UGT2B7: variants seen among roughly 807,000 people sequenced by gnomAD.
The protein encoded by UGT2B7 is UDP-glucuronosyltransferase 2B7.
A neutral mutation model predicts 51.9 loss-of-function variants in UGT2B7; 51 were observed. That is an observed-to-expected ratio of 0.98 (90% CI 0.78 to 1.24). The LOEUF (loss-of-function observed/expected upper bound fraction) is 1.24, where lower values mean the gene tolerates loss of function less well. Ranked by LOEUF, UGT2B7 falls within the 50% of genes most tolerant of loss-of-function variation. The pLI is 0.00. For missense variants in UGT2B7, 727 were observed against 628.4 expected, an observed-to-expected ratio of 1.16 and a Z score of -1.68; for synonymous variants, 225 against 211.6, an observed-to-expected ratio of 1.06 and a Z score of -0.55.
intron 5 of UGT2B7, among the ~76,000 whole-genome samples, chr4:69,110,903 G>A (rs947089577): frequency 6.6e-6 from 1 of 152,066 alleles, no homozygotes; most frequent in Non-Finnish European, 1.5e-5. Context: ...ATATTTAAAT[G>A]TTTATTTTAT....
intron 1 of UGT2B7, among the ~76,000 whole-genome samples, chr4:69,064,124 GA>G (rs1718436025): frequency 6.7e-6 from 1 of 149,232 alleles, no homozygotes; most frequent in Non-Finnish European, 1.5e-5. Flanking sequence ...AAGAAAGAAA[GA>G]AAGAAAGAAA....
intron 1 of UGT2B7, among the ~76,000 whole-genome samples, chr4:69,056,953 G>C (rs4235114): frequency 0.46 from 70,342 of 152,050 alleles, 17,818 homozygotes; most frequent in African/African-American, 0.67. Context: ...TCAAAGACAG[G>C]CAGCCCAGCA....
At chr4:69,054,440 A>G (rs2109857743) in intron 1 of UGT2B7, among the ~76,000 whole-genome samples, 1 of 152,322 alleles carries the variant, frequency 6.6e-6, no homozygotes, top group East Asian at 1.9e-4. Flanking sequence ...TTTAATAAAT[A>G]CTAAAGGACA....
intron 1 of UGT2B7, among the ~76,000 whole-genome samples, chr4:69,082,176 T>G (rs919350293): frequency 5.9e-5 from 9 of 152,036 alleles, no homozygotes; most frequent in Admixed American, 6.6e-5. Context: ...AGTTGTTTCC[T>G]AGTCTCTCTC....
rs1187013397 is a variant in UGT2B7 at position 69,101,522 on chromosome 4, A to C, written c.871-1285A>C. ...GGGCATCAAGCTAGTGAGATGAAAC[A>C]CTGAACACCAGTTACATTAAATATG... On this transcript the variant is annotated intron_variant, in intron 2 of 5. Transcript: ENST00000305231. 3.3e-5 allele frequency among the ~76,000 whole-genome samples: 5 copies of C among 152,272 alleles called. No homozygotes were observed. The East Asian group carries it at 9.6e-4, about 29-fold the overall frequency.
intron 2 of UGT2B7, among the ~76,000 whole-genome samples, chr4:69,099,258 A>C (rs1719348421): frequency 3.5e-5 from 1 of 28,606 alleles, no homozygotes; most frequent in Non-Finnish European, 5.4e-5. Context: ...AGAGACAGAC[A>C]AAAAAAAAAA....
intron 1 of UGT2B7, among the ~76,000 whole-genome samples, chr4:69,072,499 T>A (rs970911848): frequency 6.6e-6 from 1 of 152,220 alleles, no homozygotes; most frequent in Non-Finnish European, 1.5e-5. Context: ...TTTTCTGAAT[T>A]AATATCTATG....
chr4:69,059,860 A>T (rs1485089412), intron 1 of UGT2B7, among the ~76,000 whole-genome samples: 2 of 152,214 alleles, frequency 1.3e-5, no homozygotes, highest in African/African-American at 4.8e-5. Flanking sequence ...GTGGTGCCAA[A>T]CCCATATACT....
chr4:69,064,349 C>A (rs112148447), intron 1 of UGT2B7, among the ~76,000 whole-genome samples: 3 of 152,126 alleles, frequency 2.0e-5, no homozygotes, highest in African/African-American at 7.2e-5. Flanking sequence ...TATGGTATGA[C>A]TTTATAGATT....
Position 69,108,172 on chromosome 4 carries a change from G to A in UGT2B7, c.1160G>A (p.Gly387Glu), listed in dbSNP as rs753133394. The A allele has an allele frequency of 3.1e-6, 5 of 1,613,520 alleles. No homozygotes were observed. Among genetic ancestry groups the A allele is most frequent in the Middle Eastern group, 1.6e-4 (1 of 6,078 alleles). Residue 387 changes from glycine (G) to glutamate (E), a missense_variant, in exon 5 of 6, where the codon GGG becomes GAG. Transcript: ENST00000305231. ...GGCATCTACGAGGCAATCTACCATG[G>A]GATCCCTATGGTGGGGATTCCATTG... Reference protein sequence around the residue: ...ANGIYEAIYHGIPMVGIPLFA... With the variant: ...ANGIYEAIYHEIPMVGIPLFA...
At chr4:69,094,721 A>G (rs1719174086), upstream of UGT2B7, among the ~76,000 whole-genome samples, 1 of 152,206 alleles carries the variant, frequency 6.6e-6, no homozygotes, top group African/African-American at 2.4e-5. Context: ...GGCATTTGCC[A>G]CATACATTAA....
chr4:69,098,836 G>A (rs7441774), intron 2 of UGT2B7, 148 bp downstream of exon 2: 668,441 of 1,336,300 alleles, frequency 0.5, 173,141 homozygotes, highest in African/African-American at 0.71. Flanking sequence ...AAACTCATGT[G>A]CACGTTAATA....
chr4:69,067,926 G>GA (rs1402716716), intron 1 of UGT2B7, among the ~76,000 whole-genome samples: 2 of 152,020 alleles, frequency 1.3e-5, no homozygotes, highest in Non-Finnish European at 1.5e-5. Flanking sequence ...AGTTGAAGCA[G>GA]AAAACCATAA....
At chr4:69,099,257 C>CAAAAA (rs58121670) in intron 2 of UGT2B7, among the ~76,000 whole-genome samples, 13 of 105,692 alleles carry the variant, frequency 1.2e-4, no homozygotes, top group East Asian at 2.6e-4. Flanking sequence ...GAGAGACAGA[C>CAAAAA]AAAAAAAAAA....
intron 1 of UGT2B7, among the ~76,000 whole-genome samples, chr4:69,055,549 A>G (rs1718169380): frequency 6.6e-6 from 1 of 152,230 alleles, no homozygotes; most frequent in African/African-American, 2.4e-5. Context: ...CCAGTATTTC[A>G]GACTTTCTAT....
chr4:69,075,884 C>T (rs1321503425), intron 1 of UGT2B7, among the ~76,000 whole-genome samples: 1 of 152,082 alleles, frequency 6.6e-6, no homozygotes, highest in African/African-American at 2.4e-5. Flanking sequence ...CACCCATCAA[C>T]CTGTCACCTA....
intron 1 of UGT2B7, among the ~76,000 whole-genome samples, chr4:69,055,098 TA>T (rs1178892377): frequency 0.23 from 5,075 of 22,492 alleles, 60 homozygotes; most frequent in Admixed American, 0.28. Context: ...AAGTAATAGC[TA>T]AAAAAAAAAA....
chr4:69,096,570 G>A lies in UGT2B7; in HGVS notation c.50G>A (p.Cys17Tyr). ...SVILLIQLSF[C>Y]FSSGNCGKVL... ...ATTTTGCTAATACAACTGAGCTTTT[G>A]CTTTAGCTCTGGGAATTGTGGAAAG... Residue 17 changes from cysteine to tyrosine, a missense_variant, in exon 1 of 6, where the codon TGC (cysteine) becomes TAC (tyrosine). Coordinates refer to ENST00000305231, the MANE Select transcript of UGT2B7 (RefSeq NM_001074.4). The A allele has an allele frequency of 1.2e-6, 2 of 1,613,924 alleles. No individual in the cohort carries two copies. Among genetic ancestry groups the A allele is most frequent in the Non-Finnish European group, 8.5e-7 (1 of 1,179,866 alleles).
intron 1 of UGT2B7, among the ~76,000 whole-genome samples, chr4:69,068,877 A>G (rs1031502307): frequency 6.6e-6 from 1 of 152,088 alleles, no homozygotes; most frequent in African/African-American, 2.4e-5. Flanking sequence ...AACAAATGGA[A>G]CTACAATGCC....
Sources: allele counts gnomAD v4.1 joint callset (sites outside exome capture counted in the v4.1 genomes callset), GRCh38; gene constraint gnomAD v4.1.1; transcripts MANE v1.5; gene names NCBI Gene and HGNC (gene_info 2026-07-23, HGNC 2026-07-21).